BACH2: variants seen among roughly 807,000 people sequenced by gnomAD.
BACH2 encodes the protein transcription regulator protein BACH2.
BACH2 carries 5 observed loss-of-function variants against 61.8 expected under a neutral mutation model. That is an observed-to-expected ratio of 0.08 (90% confidence interval 0.04 to 0.17). The LOEUF is 0.17. Among genes scored for constraint, BACH2 ranks in the 10% least tolerant of loss-of-function variants. BACH2 has a pLI of 1.00. For synonymous variants in BACH2, 446 were observed against 440.1 expected (o/e 1.01, Z -0.17); for missense variants, 824 against 1,091.1 (o/e 0.76, Z 3.45).
In BACH2 at chr6:90,033,701, TA is replaced by T. The variant is rs372702780; in HGVS notation, c.-12-24846del. Among the ~76,000 whole-genome samples, 5 of 150,650 alleles carry T rather than the reference TA, an allele frequency of 3.3e-5. No individual in the cohort carries two copies. The East Asian group carries it at 5.8e-4, about 17-fold the overall frequency. On this transcript the variant is annotated intron_variant, in intron 5 of 8. Transcript: ENST00000257749. ...TTGAAAGAAAAAGATGCTCACCTGT[TA>T]AAAAAAAACGTAAGTTTCTAAAGGA...
chr6:90,196,732 G>T (rs1364088646), intron 4 of BACH2, among the ~76,000 whole-genome samples: 1 of 151,848 alleles, frequency 6.6e-6, no homozygotes, highest in African/African-American at 2.4e-5. Context: ...TATCTCTCTG[G>T]TTAGGGTTGG....
chr6:90,046,430 CAG>C (rs1330175050), intron 5 of BACH2, among the ~76,000 whole-genome samples: 1 of 152,178 alleles, frequency 6.6e-6, no homozygotes, highest in Admixed American at 6.5e-5. Context: ...AAGGACAAAA[CAG>C]AAATTATCTA....
chr6:90,167,650 C>T (rs1217519683), intron 4 of BACH2, among the ~76,000 whole-genome samples: 1 of 152,212 alleles, frequency 6.6e-6, no homozygotes, highest in African/African-American at 2.4e-5. Flanking sequence ...TGAGCCACTG[C>T]GCCTGGCCTG....
chr6:90,103,927 G>A (rs1397569450), intron 4 of BACH2, among the ~76,000 whole-genome samples: 4 of 152,146 alleles, frequency 2.6e-5, no homozygotes, highest in African/African-American at 4.8e-5. Flanking sequence ...AATAGAAACA[G>A]GCATGAATTA....
chr6:90,164,148 A>C (rs990730494), intron 4 of BACH2, among the ~76,000 whole-genome samples: 1 of 152,220 alleles, frequency 6.6e-6, no homozygotes, highest in African/African-American at 2.4e-5. Context: ...AAAGATCAAC[A>C]ACATTGATAG....
At chr6:90,107,491 G>A (rs1365083700) in intron 4 of BACH2, among the ~76,000 whole-genome samples, 1 of 152,100 alleles carries the variant, frequency 6.6e-6, no homozygotes, top group East Asian at 1.9e-4. Flanking sequence ...TTACTGAAGA[G>A]TACATAGAAC....
intron 6 of BACH2, among the ~76,000 whole-genome samples, chr6:89,988,672 T>C (rs1433904300): frequency 1.3e-5 from 2 of 152,176 alleles, no homozygotes; most frequent in Non-Finnish European, 2.9e-5. Flanking sequence ...AAGAACATAC[T>C]CTAAAAGATG....
chr6:90,243,876 T>A (rs944290921), intron 3 of BACH2, among the ~76,000 whole-genome samples: 2 of 152,236 alleles, frequency 1.3e-5, no homozygotes, highest in African/African-American at 4.8e-5. Flanking sequence ...TTGATTGGAA[T>A]AGCTCAATTG....
At chr6:90,079,585 C>T (rs1303035576) in intron 5 of BACH2, among the ~76,000 whole-genome samples, 2 of 152,102 alleles carry the variant, frequency 1.3e-5, no homozygotes, top group Non-Finnish European at 2.9e-5. Context: ...AACTTGGTTG[C>T]CTTTTGCTAT....
chr6:89,936,212 C>T (rs1039532176), intron 8 of BACH2, among the ~76,000 whole-genome samples: 3 of 152,178 alleles, frequency 2.0e-5, no homozygotes, highest in African/African-American at 7.2e-5. Flanking sequence ...AAGTGATAAG[C>T]ACTAAGCCAG....
At chr6:89,966,035 T>C (rs996866606) in intron 6 of BACH2, among the ~76,000 whole-genome samples, 3 of 152,226 alleles carry the variant, frequency 2.0e-5, no homozygotes, top group African/African-American at 7.2e-5. Flanking sequence ...TGAAGATGTA[T>C]GTATCAGCTT....
intron 4 of BACH2, among the ~76,000 whole-genome samples, chr6:90,159,153 A>G (rs1433447001): frequency 6.6e-6 from 1 of 152,258 alleles, no homozygotes; most frequent in Non-Finnish European, 1.5e-5. Context: ...ATAACTAATT[A>G]CTGGGTAAGA....
At chr6:90,269,761 T>C (rs1771461532) in intron 2 of BACH2, among the ~76,000 whole-genome samples, 1 of 152,232 alleles carries the variant, frequency 6.6e-6, no homozygotes, top group Non-Finnish European at 1.5e-5. Flanking sequence ...ACAATCAGTG[T>C]GTTCATAAGA....
In BACH2 at chr6:89,950,631, C is replaced by A. The variant is rs377163140; in HGVS notation, c.1475G>T (p.Gly492Val). Residue 492 changes from glycine (G) to valine (V), a missense_variant, in exon 7 of 9, where the codon GGA becomes GTA. Physicochemically the swap from Gly to Val is moderately radical, Grantham distance 109 (BLOSUM62 -3). This residue lies in a region of BACH2 where 102 missense variants were observed against 98.1 expected (regional missense o/e 1.04). Coordinates refer to ENST00000257749, the MANE Select transcript of BACH2 (RefSeq NM_021813.4). The surrounding 1 kb of genome is among the most constrained non-coding windows in gnomAD (Gnocchi z 5.3). The stretch of plus-strand genomic sequence containing the variant: ...GCAGCTGGTGTTGGGCCGCATCCTT[C>A]CTGGCAAGTGGTCGGCCATCAGCCC... ...HGGLMADHLP[G>V]RMRPNTSCPV... 1.2e-5 allele frequency: 20 copies of A among 1,613,932 alleles called. No individual in the cohort carries two copies. The African/African-American group carries it at 2.3e-4, about 18-fold the overall frequency.
intron 2 of BACH2, among the ~76,000 whole-genome samples, chr6:90,270,940 G>A (rs1003118893): frequency 2.0e-5 from 3 of 152,134 alleles, no homozygotes; most frequent in African/African-American, 7.2e-5. Context: ...ACAGCCAACT[G>A]ATCTTTGACA....
At chr6:90,161,062 T>C (rs1452071533) in intron 4 of BACH2, among the ~76,000 whole-genome samples, 1 of 125,062 alleles carries the variant, frequency 8.0e-6, no homozygotes, top group Non-Finnish European at 1.6e-5. Flanking sequence ...CACTCCAGCC[T>C]GGCGACAGAG....
chr6:90,014,468 ATTTTT>A (rs1164045089), intron 5 of BACH2, among the ~76,000 whole-genome samples: 453 of 31,782 alleles, frequency 0.014, 2 homozygotes, highest in Middle Eastern at 0.028. Context: ...ATATATATAT[ATTTTT>A]TTTTTTTTTT....
chr6:89,958,481 G>A (rs1390884086), intron 6 of BACH2, among the ~76,000 whole-genome samples: 1 of 152,216 alleles, frequency 6.6e-6, no homozygotes, highest in East Asian at 1.9e-4. Context: ...TACTGACAGT[G>A]CCTGCCTTAT....
At chr6:90,207,263 C>T (rs981926949) in intron 3 of BACH2, among the ~76,000 whole-genome samples, 4 of 151,950 alleles carry the variant, frequency 2.6e-5, no homozygotes, top group South Asian at 2.1e-4. Flanking sequence ...GGGCTACAGG[C>T]GTGCACCACT....
Sources: gnomAD v4.1 joint callset for allele counts (sites outside exome capture counted in the v4.1 genomes callset) on GRCh38, gnomAD v4.1.1 for gene constraint, gnomAD v4.1.1 regional missense constraint, Gnocchi (gnomAD v3.1) non-coding constraint, MANE v1.5 for transcripts, NCBI Gene and HGNC (gene_info 2026-07-23, HGNC 2026-07-21) for gene names.